NKAIN1: variants seen among roughly 807,000 people sequenced by gnomAD.
NKAIN1 encodes the protein sodium/potassium-transporting ATPase subunit beta-1-interacting protein 1.
A neutral mutation model predicts 31.6 loss-of-function variants in NKAIN1; 13 were observed. That is an observed-to-expected ratio of 0.41 (90% CI 0.27 to 0.65). The LOEUF (loss-of-function observed/expected upper bound fraction) is 0.65. Ranked by LOEUF, NKAIN1 falls within the 30% of genes least tolerant of loss-of-function variation. The probability of loss-of-function intolerance (pLI) is 0.30; values close to 1 mark genes in which losing one functional copy is unlikely to be tolerated. For synonymous variants in NKAIN1, 104 were observed against 109.0 expected (o/e 0.95, Z 0.28); for missense variants, 193 against 262.2 (o/e 0.74, Z 1.82).
rs557109859 is a variant in NKAIN1, at chr1:31,206,908, A to AT, written c.55-18722dup. ...ACCACTACGCTCAGCTAGGTTATGT[A>AT]TTTTTTTGTAGAGATGGGGTTTCGC... On this transcript the variant is annotated intron_variant, in intron 1 of 6. Coordinates refer to ENST00000373736, the MANE Select transcript of NKAIN1 (RefSeq NM_024522.3). Among the ~76,000 whole-genome samples the AT allele has an allele frequency of 1.3e-3, 196 of 151,862 alleles. 1 individual carries two copies. The highest frequency in any genetic ancestry group is 4.6e-3 in the African/African-American group (192 of 41,388).
intron 1 of NKAIN1, among the ~76,000 whole-genome samples, chr1:31,194,700 C>T (rs1321132146): frequency 1.3e-5 from 2 of 151,394 alleles, no homozygotes; most frequent in African/African-American, 2.4e-5. Flanking sequence ...AGCCCCTGCA[C>T]CTGGCCTGCT....
intron 1 of NKAIN1, among the ~76,000 whole-genome samples, chr1:31,231,739 C>T (rs920759386): frequency 6.6e-6 from 1 of 150,456 alleles, no homozygotes; most frequent in Admixed American, 6.6e-5. Flanking sequence ...ACAGTGTTAG[C>T]CAGGATGGTC....
chr1:31,239,408 G>A lies in NKAIN1; in HGVS notation c.54+86C>T. 3 of 1,057,224 alleles carry A rather than the reference G, an allele frequency of 2.8e-6. No individual in the cohort carries two copies. The highest frequency in any genetic ancestry group is 3.8e-6 in the Non-Finnish European group (3 of 787,582). 65.5% of individuals were successfully genotyped at this position (1,057,224 alleles called of 1,614,324 possible). On this transcript the variant is annotated intron_variant, in intron 1 of 6. Coordinates refer to ENST00000373736, the MANE Select transcript of NKAIN1 (RefSeq NM_024522.3). The surrounding 1 kb of genome is among the most constrained non-coding windows in gnomAD (Gnocchi z 4.8). The stretch of plus-strand genomic sequence containing the variant: ...CACACGCACCAGACACACACACAGA[G>A]ACACACGCAACCCCACCCGCACGCC...
intron 4 of NKAIN1, among the ~76,000 whole-genome samples, chr1:31,183,021 A>C (rs1481927475): frequency 6.8e-6 from 1 of 147,522 alleles, no homozygotes; most frequent in Non-Finnish European, 1.5e-5. Flanking sequence ...ACAGGGTCTC[A>C]CTCTGTCACC....
intron 1 of NKAIN1, among the ~76,000 whole-genome samples, chr1:31,195,342 G>A (rs1337031883): frequency 6.6e-6 from 1 of 150,548 alleles, no homozygotes; most frequent in Admixed American, 6.6e-5. Context: ...GGCTGGTCTT[G>A]AACTCTCGAC....
At chr1:31,203,769 G>A (rs1484160541) in intron 1 of NKAIN1, among the ~76,000 whole-genome samples, 2 of 152,050 alleles carry the variant, frequency 1.3e-5, no homozygotes, top group African/African-American at 4.8e-5. Flanking sequence ...ATTTTTAGTA[G>A]AGATGGGGTT....
At chr1:31,194,495 C>T (rs1402428150) in intron 1 of NKAIN1, among the ~76,000 whole-genome samples, 4 of 150,148 alleles carry the variant, frequency 2.7e-5, no homozygotes, top group African/African-American at 9.8e-5. Context: ...CAACCTCCGC[C>T]TCCCGGGTTC....
chr1:31,218,070 T>TTCTTTCTTTC (rs1350943103), intron 1 of NKAIN1, among the ~76,000 whole-genome samples: 5 of 140,626 alleles, frequency 3.6e-5, no homozygotes, highest in African/African-American at 1.1e-4. Context: ...CTTTCTTTCT[T>TTCTTTCTTTC]TTTTTTTTTT....
intron 1 of NKAIN1, among the ~76,000 whole-genome samples, chr1:31,231,821 C>T (rs1557664140): frequency 1.3e-5 from 2 of 152,212 alleles, no homozygotes; most frequent in South Asian, 2.1e-4. Flanking sequence ...TGAGCCACTG[C>T]ACCTGGCGAG....
chr1:31,181,635 C>T lies in NKAIN1; in HGVS notation c.*68G>A. On this transcript the variant is annotated 3_prime_UTR_variant, in exon 7 of 7. Transcript: ENST00000373736. The stretch of plus-strand genomic sequence containing the variant: ...GGCCACCAGGGGGACACGCCTGCGC[C>T]TTGGCCCGAGCTCGCGGCAGCTGCG... 7.1e-7 allele frequency: 1 copy of T among 1,418,328 alleles called. No individual in the cohort carries two copies. Among genetic ancestry groups the T allele is most frequent in the African/African-American group, 1.5e-5 (1 of 68,832 alleles). The allele number at this position is 1,418,328 out of a possible 1,614,324, so 87.9% of individuals were successfully genotyped here. A position where few individuals can be genotyped will look rare whatever the true frequency, so the allele number is the denominator to read the frequency against.
intron 1 of NKAIN1, among the ~76,000 whole-genome samples, chr1:31,212,633 G>A (rs1159676392): frequency 1.3e-5 from 2 of 152,046 alleles, no homozygotes; most frequent in African/African-American, 4.8e-5. Flanking sequence ...TCGAACTCCT[G>A]AGCTCAAGCA....
chr1:31,233,990 C>A lies in NKAIN1; in HGVS notation c.54+5504G>T, dbSNP rs1177143247. 6.6e-6 allele frequency among the ~76,000 whole-genome samples: 1 copy of A among 152,216 alleles called. No individual in the cohort carries two copies. Among genetic ancestry groups the A allele is most frequent in the African/African-American group, 2.4e-5 (1 of 41,470 alleles). On this transcript the variant is annotated intron_variant, in intron 1 of 6. Coordinates refer to ENST00000373736, the MANE Select transcript of NKAIN1 (RefSeq NM_024522.3). This position sits in a 1 kb window ranked among gnomAD's most constrained non-coding sequence, Gnocchi z 4.0. ...CAGCGAAGCTGCCATTTATGGGCTG[C>A]TTATTTAAAAACCATCCACTCACCT...
chr1:31,231,810 G>A (rs112739746), intron 1 of NKAIN1, among the ~76,000 whole-genome samples: 173 of 152,240 alleles, frequency 1.1e-3, no homozygotes, highest in African/African-American at 2.0e-3. Flanking sequence ...GATTACAAGC[G>A]TGAGCCACTG....
chr1:31,228,460 G>C (rs1005970738), intron 1 of NKAIN1, among the ~76,000 whole-genome samples: 1 of 152,126 alleles, frequency 6.6e-6, no homozygotes, highest in Non-Finnish European at 1.5e-5. Flanking sequence ...GACATGGTGA[G>C]CTCACAGAAA....
chr1:31,199,845 C>T (rs1460052096), intron 1 of NKAIN1, among the ~76,000 whole-genome samples: 3 of 152,160 alleles, frequency 2.0e-5, no homozygotes, highest in African/African-American at 7.2e-5. Flanking sequence ...CAGTGAACAA[C>T]ATGGCGTGTA....
intron 1 of NKAIN1, among the ~76,000 whole-genome samples, chr1:31,221,836 G>A (rs1052302517): frequency 2.0e-5 from 3 of 152,096 alleles, no homozygotes; most frequent in African/African-American, 7.2e-5. Context: ...GGGGCCAGGG[G>A]TAGGGTTTAA....
intron 1 of NKAIN1, among the ~76,000 whole-genome samples, chr1:31,203,188 C>T (rs1308109212): frequency 6.6e-6 from 1 of 151,878 alleles, no homozygotes; most frequent in Non-Finnish European, 1.5e-5. Flanking sequence ...TCACTTGCAC[C>T]CGGGAGGCAG....
intron 1 of NKAIN1, among the ~76,000 whole-genome samples, chr1:31,212,450 G>C (rs1295716104): frequency 6.6e-6 from 1 of 150,524 alleles, no homozygotes; most frequent in Non-Finnish European, 1.5e-5. Flanking sequence ...TGTCACCCAG[G>C]CTGGAGTGCA....
At chr1:31,198,691 C>A (rs1645349847) in intron 1 of NKAIN1, among the ~76,000 whole-genome samples, 1 of 152,156 alleles carries the variant, frequency 6.6e-6, no homozygotes. Flanking sequence ...CTGAGGCTCC[C>A]TGCTGCCCTT....
Sources: gnomAD v4.1 joint callset for allele counts (sites outside exome capture counted in the v4.1 genomes callset) on GRCh38, gnomAD v4.1.1 for gene constraint, Gnocchi (gnomAD v3.1) non-coding constraint, MANE v1.5 for transcripts, NCBI Gene and HGNC (gene_info 2026-07-23, HGNC 2026-07-21) for gene names.